The following TMTC2 variants were observed in gnomAD, a reference collection of about 807,000 sequenced individuals.
TMTC2 encodes transmembrane O-mannosyltransferase targeting cadherins 2, also known as protein O-mannosyl-transferase TMTC2.
A neutral mutation model predicts 82.4 loss-of-function variants in TMTC2; 43 were observed. The ratio of observed to expected loss-of-function variants is 0.52; its 90% CI spans 0.41 to 0.67. The LOEUF (loss-of-function observed/expected upper bound fraction) is 0.67, where lower values mean the gene tolerates loss of function less well. Among genes scored for constraint, TMTC2 ranks in the 30% least tolerant of loss-of-function variants. The pLI is 0.00. For missense variants in TMTC2, 919 were observed against 1,012.4 expected, an observed-to-expected ratio of 0.91 and a Z score of 1.25; for synonymous variants, 408 against 381.9, an observed-to-expected ratio of 1.07 and a Z score of -0.80.
chr12:83,030,807 A>T lies in TMTC2; in HGVS notation c.2080A>T (p.Ser694Cys), dbSNP rs1405186687. The change falls in exon 9 of 12, where the codon AGT (serine) becomes TGT (cysteine). Residue 694 changes from serine to cysteine, a missense_variant. By Grantham distance (112) the Ser-to-Cys change is moderately radical. Coordinates refer to ENST00000321196, the MANE Select transcript of TMTC2 (RefSeq NM_152588.3). ...GKLLALTGRK[S>C]EAEKLFLKAI... ...TTCTCTGTTTTTCAAGGGTCGTAAG[A>T]GTGAGGCTGAAAAGCTCTTCTTGAA... 5.0e-6 allele frequency: 8 copies of T among 1,613,246 alleles called. No homozygotes were observed. Among genetic ancestry groups the T allele is most frequent in the Middle Eastern group, 1.7e-4 (1 of 6,058 alleles).
intron 1 of TMTC2, among the ~76,000 whole-genome samples, chr12:82,853,942 T>C (rs571624385): frequency 6.6e-5 from 10 of 152,212 alleles, no homozygotes; most frequent in South Asian, 4.1e-4. Flanking sequence ...CAGTTGTTTT[T>C]TTTTTTCATA....
chr12:83,023,223 A>C (rs551113818), intron 8 of TMTC2, among the ~76,000 whole-genome samples: 1 of 152,302 alleles, frequency 6.6e-6, no homozygotes, highest in South Asian at 2.1e-4. Context: ...AAATTTTTTA[A>C]TAGATGAATA....
At chr12:82,764,218 A>C (rs1162782130) in intron 1 of TMTC2, among the ~76,000 whole-genome samples, 1 of 152,018 alleles carries the variant, frequency 6.6e-6, no homozygotes, top group Non-Finnish European at 1.5e-5. Context: ...GGTCACTGCA[A>C]CCTCCGCCTC....
chr12:82,823,826 C>T (rs1425688306), intron 1 of TMTC2, among the ~76,000 whole-genome samples: 1 of 151,190 alleles, frequency 6.6e-6, no homozygotes, highest in Admixed American at 6.6e-5. Context: ...CCCCCTCCAC[C>T]ACAAAAAAAA....
chr12:82,990,070 G>A (rs1292777692), intron 8 of TMTC2, among the ~76,000 whole-genome samples: 2 of 152,064 alleles, frequency 1.3e-5, no homozygotes, highest in East Asian at 3.9e-4. Context: ...ATTTGCAAAG[G>A]TAGAAAATAC....
intron 2 of TMTC2, among the ~76,000 whole-genome samples, chr12:82,862,720 A>T (rs753387886): frequency 6.6e-6 from 1 of 152,224 alleles, no homozygotes; most frequent in Non-Finnish European, 1.5e-5. Flanking sequence ...TGCTAAGCAG[A>T]AAGTGAATGA....
chr12:82,746,378 G>C (rs7972064), intron 1 of TMTC2, among the ~76,000 whole-genome samples: 137,607 of 152,194 alleles, frequency 0.9, 63,910 homozygotes, highest in East Asian at 1. Flanking sequence ...TTGGCACTGT[G>C]CATGTTTTTG....
At chr12:82,823,785 C>T (rs1357440734) in intron 1 of TMTC2, among the ~76,000 whole-genome samples, 1 of 151,942 alleles carries the variant, frequency 6.6e-6, no homozygotes, top group Non-Finnish European at 1.5e-5. Flanking sequence ...AGTCCTAAAT[C>T]TCTTCTGTAC....
chr12:82,780,347 C>G (rs548557253), intron 1 of TMTC2, among the ~76,000 whole-genome samples: 12 of 152,100 alleles, frequency 7.9e-5, no homozygotes, highest in African/African-American at 2.6e-4. Context: ...TTATTTTTTT[C>G]CCTTTTGCAA....
chr12:82,942,372 G>T (rs887407505), intron 4 of TMTC2, among the ~76,000 whole-genome samples: 1 of 152,056 alleles, frequency 6.6e-6, no homozygotes, highest in African/African-American at 2.4e-5. Flanking sequence ...GTCCTTTAAA[G>T]GGCTACTTGG....
chr12:82,950,322 A>T (rs183127457), intron 4 of TMTC2, among the ~76,000 whole-genome samples: 28 of 152,326 alleles, frequency 1.8e-4, no homozygotes, highest in Admixed American at 4.6e-4. Context: ...CTTCCTGTTG[A>T]GTACTGTTTT....
At chr12:83,104,480 G>A (rs1884332233) in intron 11 of TMTC2, among the ~76,000 whole-genome samples, 1 of 152,172 alleles carries the variant, frequency 6.6e-6, no homozygotes, top group Non-Finnish European at 1.5e-5. Flanking sequence ...TTCCCTGCAG[G>A]CTTAACATTA....
At position 82,911,750 on chromosome 12, in the gene TMTC2, C is replaced by A. The variant is rs111627736; in HGVS notation, c.1483+15104C>A. On this transcript the variant is annotated intron_variant, in intron 3 of 11. Transcript: ENST00000321196. ...CCCAGTAGCTGGAATTACAGGTGTG[C>A]GCCTGTAATTAACCATGCCTGGCTA... 5.3e-5 allele frequency among the ~76,000 whole-genome samples: 8 copies of A among 151,972 alleles called. No individual in the cohort carries two copies. The East Asian group carries it at 1.4e-3, about 26-fold the overall frequency.
At chr12:83,062,337 T>G (rs1362007674) in intron 11 of TMTC2, among the ~76,000 whole-genome samples, 1 of 151,794 alleles carries the variant, frequency 6.6e-6, no homozygotes, top group Non-Finnish European at 1.5e-5. Context: ...ATCATGCTTC[T>G]ATAAAGTAAG....
chr12:82,879,870 C>A (rs898669820), intron 2 of TMTC2, among the ~76,000 whole-genome samples: 1 of 152,126 alleles, frequency 6.6e-6, no homozygotes, highest in Admixed American at 6.5e-5. Context: ...CATCACATCC[C>A]AAACTGAGAT....
chr12:82,918,442 T>G, intron 3 of TMTC2, among the ~76,000 whole-genome samples: 1 of 152,146 alleles, frequency 6.6e-6, no homozygotes, highest in East Asian at 1.9e-4. Context: ...GTACTTCAAT[T>G]TTGGCAGATT....
chr12:83,041,326 T>A (rs1881886743), intron 9 of TMTC2, among the ~76,000 whole-genome samples: 1 of 152,170 alleles, frequency 6.6e-6, no homozygotes, highest in Admixed American at 6.5e-5. Context: ...CTACTGCAGA[T>A]TATCTCCTTG....
At chr12:83,115,782 C>CTGTTGT (rs374555944) in intron 11 of TMTC2, among the ~76,000 whole-genome samples, 52 of 151,456 alleles carry the variant, frequency 3.4e-4, no homozygotes, top group East Asian at 1.9e-3. Flanking sequence ...ATTGTAGTTT[C>CTGTTGT]TGTTGTTGTT....
At chr12:82,816,159 T>C (rs1375759551) in intron 1 of TMTC2, among the ~76,000 whole-genome samples, 3 of 151,606 alleles carry the variant, frequency 2.0e-5, no homozygotes, top group Non-Finnish European at 4.4e-5. Context: ...TTTTTTTTTT[T>C]CTAATTCTTC....
Sources: allele counts gnomAD v4.1 joint callset (sites outside exome capture counted in the v4.1 genomes callset), GRCh38; gene constraint gnomAD v4.1.1; transcripts MANE v1.5; gene names NCBI Gene and HGNC (gene_info 2026-07-23, HGNC 2026-07-21).